Variants in RBFOX3 observed in about 807,000 individuals in gnomAD.
RBFOX3 encodes the protein RNA binding fox-1 homolog 3.
In RBFOX3, 17 loss-of-function variants were observed where a neutral mutation model predicts 48.7. The ratio of observed to expected loss-of-function variants is 0.35; its 90% CI spans 0.24 to 0.52. The LOEUF (loss-of-function observed/expected upper bound fraction) is 0.52, where lower values mean the gene tolerates loss of function less well. RBFOX3 is among the 20% of genes least tolerant of loss of function. The probability of loss-of-function intolerance (pLI) is 0.94; values close to 1 mark genes in which losing one functional copy is unlikely to be tolerated. For missense variants in RBFOX3, 382 were observed against 497.5 expected (o/e 0.77, Z 2.21); for synonymous variants, 212 against 209.5 (o/e 1.01, Z -0.10).
chr17:79,276,483 C>T (rs1164282261), intron 3 of RBFOX3, among the ~76,000 whole-genome samples: 6 of 152,166 alleles, frequency 3.9e-5, no homozygotes, highest in South Asian at 4.1e-4. Context: ...GTCAGGAGTT[C>T]GAGACCAGCC....
intron 4 of RBFOX3, among the ~76,000 whole-genome samples, chr17:79,149,264 A>G (rs954465641): frequency 3.3e-5 from 5 of 152,176 alleles, no homozygotes; most frequent in Non-Finnish European, 5.9e-5. Context: ...GGGGCTTAGT[A>G]GAGCGTGGGA....
At chr17:79,475,526 A>G (rs2077605987) in intron 2 of RBFOX3, among the ~76,000 whole-genome samples, 1 of 152,158 alleles carries the variant, frequency 6.6e-6, no homozygotes, top group South Asian at 2.1e-4. Flanking sequence ...TCCAGCCCTA[A>G]CCCCCAGGAC....
rs2055458785 is a variant in RBFOX3, at chr17:79,195,763, G to A, written c.-34+40003C>T. The stretch of plus-strand genomic sequence containing the variant: ...ACTCTGTTTTGGGGTTTGGGGATGA[G>A]CTCACAGGCAAATACTTCTGCTTCC... On this transcript the variant is annotated intron_variant, in intron 4 of 14. Coordinates refer to ENST00000693108, the MANE Select transcript of RBFOX3 (RefSeq NM_001350451.2). This position sits in a 1 kb window ranked among gnomAD's most constrained non-coding sequence, Gnocchi z 5.3. Among the ~76,000 whole-genome samples the A allele has an allele frequency of 6.6e-6, 1 of 152,208 alleles. No homozygotes were observed. The highest frequency in any genetic ancestry group is 2.4e-5 in the African/African-American group (1 of 41,452).
chr17:79,655,612 G>A, the RBFOX3 span, among the ~76,000 whole-genome samples: 1 of 152,252 alleles, frequency 6.6e-6, no homozygotes, highest in African/African-American at 2.4e-5. Flanking sequence ...CCCTGACAGG[G>A]ACTGGCTGTG....
chr17:79,183,123 C>G (rs1218259707), intron 4 of RBFOX3: 3 of 148,118 alleles, frequency 2.0e-5, no homozygotes, highest in Non-Finnish European at 3.0e-5. Context: ...TACCCCAGCC[C>G]CGGCGCCATG....
At chr17:79,294,816 G>T (rs865812785) in intron 3 of RBFOX3, among the ~76,000 whole-genome samples, 27 of 152,150 alleles carry the variant, frequency 1.8e-4, no homozygotes, top group Middle Eastern at 3.2e-3. Flanking sequence ...GCTCAGGAAG[G>T]CTCATGCCAT....
intron 2 of RBFOX3, among the ~76,000 whole-genome samples, chr17:79,468,964 ATGGATGGATGGATGGATGGATG>A (rs2076701420): frequency 6.6e-6 from 1 of 150,810 alleles, no homozygotes; most frequent in East Asian, 1.9e-4. Context: ...GGATGGATGG[ATGGATGGATGGATGGATGGATG>A]GATAGCAGAT....
chr17:79,257,582 T>C (rs369961749), intron 3 of RBFOX3, among the ~76,000 whole-genome samples: 11 of 148,776 alleles, frequency 7.4e-5, no homozygotes, highest in African/African-American at 2.8e-4. Flanking sequence ...TGTTCTTTGC[T>C]TTTTTTTTCC....
intron 2 of RBFOX3, among the ~76,000 whole-genome samples, chr17:79,415,484 G>A (rs569326364): frequency 1.4e-4 from 22 of 152,318 alleles, no homozygotes; most frequent in Admixed American, 3.3e-4. Context: ...TGGACATCTC[G>A]GCTCTTGTAT....
rs2065700122 is a variant in RBFOX3, at chr17:79,418,224, T to C, written c.-175+64230A>G. ...AAGATGGTACATTTTATGTTATGCA[T>C]ATTTTACCACAACGACAAAAAGTTT... On this transcript the variant is annotated intron_variant, in intron 2 of 14. Transcript: ENST00000693108. This position sits in a 1 kb window ranked among gnomAD's most constrained non-coding sequence, Gnocchi z 5.0. Among the ~76,000 whole-genome samples the C allele has an allele frequency of 1.3e-5, 2 of 152,344 alleles. No individual in the cohort carries two copies. Among genetic ancestry groups the C allele is most frequent in the Admixed American group, 6.5e-5 (1 of 15,306 alleles).
At position 79,388,194 on chromosome 17, in the gene RBFOX3, C is replaced by A. The variant is rs914577585; in HGVS notation, c.-174-80370G>T. Among the ~76,000 whole-genome samples the A allele has an allele frequency of 3.3e-5, 5 of 152,282 alleles. No homozygotes were observed. The South Asian group carries it at 6.2e-4, about 19-fold the overall frequency. ...CAGCTCTCTGACCACACAGACTGGG[C>A]CATAACTACGCAGCCCCCATGTGCT... On this transcript the variant is annotated intron_variant, in intron 2 of 14. Transcript: ENST00000693108.
the RBFOX3 span, among the ~76,000 whole-genome samples, chr17:79,656,725 GAAAGAAAGA>G: frequency 4.8e-3 from 527 of 110,678 alleles, no homozygotes; most frequent in African/African-American, 9.0e-3. Flanking sequence ...GAGAGAGACA[GAAAGAAAGA>G]AAAGAAAGAA....
chr17:79,107,037 C>T (rs1315710593), intron 5 of RBFOX3, among the ~76,000 whole-genome samples: 1 of 152,192 alleles, frequency 6.6e-6, no homozygotes, highest in Non-Finnish European at 1.5e-5. Context: ...AGGCCGCCTC[C>T]CTCCCGCCAT....
chr17:79,101,593 A>G lies in RBFOX3; in HGVS notation c.559T>C (p.Tyr187His). The change falls in exon 9 of 15, where the codon TAC becomes CAC. Residue 187 changes from tyrosine (Y) to histidine (H), a missense_variant. Around this residue, in one of 3 missense-constraint regions of RBFOX3, gnomAD observed 215 missense variants for 254.8 expected, o/e 0.84. Transcript: ENST00000693108. ...GGACCCAGCCCCTTACCGTTGGTGT[A>G]GGGGTTCCCCGTCTTCTTGTTGGTC... ...VMTNKKTGNP[Y>H]TNGWKLNPVV... is the part of the protein sequence containing the mutation. 1 of 1,551,072 alleles carries G rather than the reference A, an allele frequency of 6.4e-7. No individual in the cohort carries two copies. Among genetic ancestry groups the G allele is most frequent in the Non-Finnish European group, 8.7e-7 (1 of 1,146,802 alleles).
chr17:79,608,405 C>G (rs386829735), intron 1 of RBFOX3, among the ~76,000 whole-genome samples: 3,169 of 152,304 alleles, frequency 0.021, 67 homozygotes, highest in East Asian at 0.12. Flanking sequence ...GGGGTGGGCA[C>G]GGGTCTCTCT....
intron 3 of RBFOX3, among the ~76,000 whole-genome samples, chr17:79,295,273 T>G (rs2074146430): frequency 6.6e-6 from 1 of 152,254 alleles, no homozygotes; most frequent in African/African-American, 2.4e-5. Flanking sequence ...CAATCCTGCC[T>G]GCCCACAGCA....
chr17:79,188,832 A>G (rs2053934012), intron 4 of RBFOX3, among the ~76,000 whole-genome samples: 1 of 152,220 alleles, frequency 6.6e-6, no homozygotes, highest in African/African-American at 2.4e-5. Context: ...TCGGTGGGTA[A>G]GAGGCCTTGG....
chr17:79,616,224 C>T, the RBFOX3 span, among the ~76,000 whole-genome samples: 1 of 152,108 alleles, frequency 6.6e-6, no homozygotes, highest in Admixed American at 6.5e-5. Context: ...TCTATGTAGT[C>T]GTAACCTCCT....
At chr17:79,357,538 G>C (rs529648160) in intron 2 of RBFOX3, among the ~76,000 whole-genome samples, 1 of 152,288 alleles carries the variant, frequency 6.6e-6, no homozygotes, top group Non-Finnish European at 1.5e-5. Context: ...GGCTGAGGCA[G>C]GAGGATCACT....
Sources: allele counts gnomAD v4.1 joint callset (sites outside exome capture counted in the v4.1 genomes callset), GRCh38; gene constraint gnomAD v4.1.1; regional missense constraint gnomAD v4.1.1; non-coding constraint Gnocchi (gnomAD v3.1); transcripts MANE v1.5; gene names NCBI Gene and HGNC (gene_info 2026-07-23, HGNC 2026-07-21).